STRIP2: variants seen among roughly 807,000 people sequenced by gnomAD.
The protein encoded by STRIP2 is striatin interacting protein 2.
STRIP2 carries 84 observed loss-of-function variants against 107.1 expected under a neutral mutation model. The observed-to-expected ratio is 0.78, with a 90% confidence interval of 0.66 to 0.94. STRIP2 has a LOEUF of 0.94. Ranked by LOEUF, STRIP2 falls within the 40% of genes least tolerant of loss-of-function variation. The pLI, the probability that STRIP2 is intolerant of heterozygous loss-of-function variation, is 0.00. For missense variants in STRIP2, 888 were observed against 1,034.2 expected (o/e 0.86, Z 1.94); for synonymous variants, 394 against 400.4 (o/e 0.98, Z 0.19).
intron 19 of STRIP2, among the ~76,000 whole-genome samples, chr7:129,481,338 A>C (rs1799111298): frequency 6.6e-6 from 1 of 151,958 alleles, no homozygotes; most frequent in South Asian, 2.1e-4. Context: ...CTCTACTAAA[A>C]ATACAAAAAT....
chr7:129,470,564 G>T (rs1479063501), intron 17 of STRIP2, 85 bp from the exon 18 acceptor site: 3 of 1,145,264 alleles, frequency 2.6e-6, no homozygotes, highest in East Asian at 4.8e-5. Context: ...CTGCTGGAGA[G>T]AAATAACTCC....
rs929724588 is a variant in STRIP2, at chr7:129,460,201, A to C, written c.1405-100A>C. ...TGTCTATGTGGGGTAACAAACCCATAAGCAGAACATTTCCTTGCTTTTGGG... is the reference window on the plus strand; with the variant it reads ...TGTCTATGTGGGGTAACAAACCCATCAGCAGAACATTTCCTTGCTTTTGGG... On this transcript the variant is annotated intron_variant, in intron 12 of 20. Transcript: ENST00000249344. 3.2e-5 allele frequency: 34 copies of C among 1,059,546 alleles called. No homozygotes were observed. The African/African-American group carries it at 5.0e-4, about 15-fold the overall frequency. 65.6% of individuals were successfully genotyped at this position (1,059,546 alleles called of 1,614,324 possible).
chr7:129,465,076 G>A (rs913066910), intron 16 of STRIP2, among the ~76,000 whole-genome samples: 1 of 152,054 alleles, frequency 6.6e-6, no homozygotes, highest in Non-Finnish European at 1.5e-5. Context: ...GGAGTATGTT[G>A]ACCGTAGTTT....
At chr7:129,476,304 G>A (rs1490915048) in intron 18 of STRIP2, among the ~76,000 whole-genome samples, 3 of 149,996 alleles carry the variant, frequency 2.0e-5, no homozygotes, top group East Asian at 4.0e-4. Flanking sequence ...CCCAGATGCG[G>A]CGGCTGCCGG....
At chr7:129,454,767 A>G (rs1280536004) in intron 7 of STRIP2, among the ~76,000 whole-genome samples, 3 of 152,182 alleles carry the variant, frequency 2.0e-5, no homozygotes, top group African/African-American at 4.8e-5. Flanking sequence ...TTCCTTGGTT[A>G]TAAGTGGGGA....
rs746227271 is a variant in STRIP2, at chr7:129,461,305, CAG to C, written c.1476+938_1476+939del. 6.6e-5 allele frequency among the ~76,000 whole-genome samples: 10 copies of C among 152,140 alleles called. No homozygotes were observed. Among genetic ancestry groups the C allele is most frequent in the Non-Finnish European group, 1.2e-4 (8 of 68,030 alleles). Reference sequence around the variant, plus strand: ...ATTGGAAATAAAGTCTAGAATTCTACAGAGAGGGCTGACTTTGAGAAATAAAT... The same window carrying C: ...ATTGGAAATAAAGTCTAGAATTCTACAGAGGGCTGACTTTGAGAAATAAAT... On this transcript the variant is annotated intron_variant, in intron 13 of 20. Transcript: ENST00000249344. The surrounding 1 kb of genome is among the most constrained non-coding windows in gnomAD (Gnocchi z 4.0).
intron 18 of STRIP2, among the ~76,000 whole-genome samples, chr7:129,473,207 C>T (rs2151013334): frequency 6.6e-6 from 1 of 152,286 alleles, no homozygotes; most frequent in East Asian, 1.9e-4. Flanking sequence ...ATGCCACCTA[C>T]ATATAGCCAC....
Position 129,458,102 on chromosome 7 carries a change from G to C in STRIP2, c.1039-113G>C, listed in dbSNP as rs1798415532. On this transcript the variant is annotated intron_variant, in intron 9 of 20. Transcript: ENST00000249344. The surrounding 1 kb of genome is among the most constrained non-coding windows in gnomAD (Gnocchi z 4.6). ...AATTGGATGTTTTCGCAAGGGCTGT[G>C]TTCAGATTCCATGTTCCCTGAAATG... 5 of 834,254 alleles carry C rather than the reference G, an allele frequency of 6.0e-6. No individual in the cohort carries two copies. The highest frequency in any genetic ancestry group is 1.0e-5 in the Non-Finnish European group (5 of 492,458). 51.7% of individuals were successfully genotyped at this position (834,254 alleles called of 1,614,324 possible).
chr7:129,454,368 C>T lies in STRIP2; in HGVS notation c.600-53C>T, dbSNP rs1484636570. Reference sequence around the variant, plus strand: ...CAGAGACCATCTCTGAGGTCTGTGACTATGGGCTGGGAATTGCCTTGGGAA... The same window carrying T: ...CAGAGACCATCTCTGAGGTCTGTGATTATGGGCTGGGAATTGCCTTGGGAA... On this transcript the variant is annotated intron_variant, in intron 6 of 20. Transcript: ENST00000249344. 3 of 1,517,650 alleles carry T rather than the reference C, an allele frequency of 2.0e-6. No individual in the cohort carries two copies. The African/African-American group carries it at 4.1e-5, about 21-fold the overall frequency. The allele number at this position is 1,517,650 out of a possible 1,614,324, so 94.0% of individuals were successfully genotyped here. A position where few individuals can be genotyped will look rare whatever the true frequency, so the allele number is the denominator to read the frequency against.
chr7:129,445,860 T>C (rs993261661), intron 3 of STRIP2, among the ~76,000 whole-genome samples: 6 of 152,144 alleles, frequency 3.9e-5, no homozygotes, highest in Admixed American at 1.3e-4. Context: ...ATGGTAGTCT[T>C]GGCAGAAGCA....
intron 18 of STRIP2, among the ~76,000 whole-genome samples, chr7:129,472,034 G>A (rs1400265727): frequency 2.0e-5 from 3 of 151,890 alleles, no homozygotes; most frequent in South Asian, 4.2e-4. Context: ...CTATTAAATC[G>A]TTAAAACAAC....
chr7:129,482,244 A>G (rs927052552), intron 19 of STRIP2, among the ~76,000 whole-genome samples: 2 of 151,850 alleles, frequency 1.3e-5, no homozygotes, highest in South Asian at 2.1e-4. Context: ...AGTGGAAATG[A>G]TATGTGTGGC....
At chr7:129,438,779 C>A (rs1201276793) in intron 1 of STRIP2, among the ~76,000 whole-genome samples, 3 of 152,108 alleles carry the variant, frequency 2.0e-5, no homozygotes, top group Admixed American at 2.0e-4. Context: ...CTTTCAGGTT[C>A]CATAATTTGC....
At chr7:129,454,781 C>G (rs575439762) in intron 7 of STRIP2, among the ~76,000 whole-genome samples, 1 of 152,246 alleles carries the variant, frequency 6.6e-6, no homozygotes, top group Admixed American at 6.5e-5. Flanking sequence ...GTGGGGATAG[C>G]CATTCCTCTC....
chr7:129,474,509 G>T (rs914256314), intron 18 of STRIP2, among the ~76,000 whole-genome samples: 1 of 151,828 alleles, frequency 6.6e-6, no homozygotes. Context: ...CCTAGAAGTG[G>T]AATTATTGGG....
chr7:129,475,553 C>CTTTTTTT (rs1292595061), intron 18 of STRIP2, among the ~76,000 whole-genome samples: 16 of 35,964 alleles, frequency 4.4e-4, no homozygotes, highest in South Asian at 8.4e-4. Flanking sequence ...CTTTTTTTTT[C>CTTTTTTT]TTTTTTTTTT....
intron 2 of STRIP2, among the ~76,000 whole-genome samples, chr7:129,443,236 T>TG (rs1337296928): frequency 1.6e-4 from 25 of 152,062 alleles, no homozygotes; most frequent in African/African-American, 6.0e-4. Context: ...GATAGGGTCA[T>TG]GCTATGTTGC....
At chr7:129,435,770 GC>G (rs1430779275) in intron 1 of STRIP2, among the ~76,000 whole-genome samples, 1 of 152,060 alleles carries the variant, frequency 6.6e-6, no homozygotes, top group Non-Finnish European at 1.5e-5. Flanking sequence ...TTAGTATATT[GC>G]TATCATCATC....
At chr7:129,440,568 G>C (rs1562893546) in intron 2 of STRIP2, among the ~76,000 whole-genome samples, 1 of 152,056 alleles carries the variant, frequency 6.6e-6, no homozygotes, top group Non-Finnish European at 1.5e-5. Context: ...TCTCAGCAAA[G>C]TCCGAGGAAA....
Sources: gnomAD v4.1 joint callset for allele counts (sites outside exome capture counted in the v4.1 genomes callset) on GRCh38, gnomAD v4.1.1 for gene constraint, Gnocchi (gnomAD v3.1) non-coding constraint, MANE v1.5 for transcripts, NCBI Gene and HGNC (gene_info 2026-07-23, HGNC 2026-07-21) for gene names.